ZMYND8: variants seen among roughly 807,000 people sequenced by gnomAD.
ZMYND8 encodes the protein MYND-type zinc finger-containing chromatin reader ZMYND8.
In ZMYND8, 37 loss-of-function variants were observed where a neutral mutation model predicts 140.8. The observed-to-expected ratio is 0.26, with a 90% CI of 0.20 to 0.35. The LOEUF (loss-of-function observed/expected upper bound fraction) is 0.35. Among genes scored for constraint, ZMYND8 ranks in the 10% least tolerant of loss-of-function variants. ZMYND8 has a pLI of 1.00. For synonymous variants in ZMYND8, 592 were observed against 597.1 expected, an observed-to-expected ratio of 0.99 and a Z score of 0.12; for missense variants, 1,068 against 1,570.0, an observed-to-expected ratio of 0.68 and a Z score of 5.40.
At position 47,276,769 on chromosome 20, in the gene ZMYND8, T is replaced by A; in HGVS notation, c.1025A>T (p.Tyr342Phe). The change falls in exon 11 of 23, where the codon TAC becomes TTC. Residue 342 changes from tyrosine (Y) to phenylalanine (F), a missense_variant. By Grantham distance (22) the Tyr-to-Phe change is conservative (BLOSUM62 3). Transcript: ENST00000471951. The stretch of plus-strand genomic sequence containing the variant: ...AAAAGGAATTTCTTTAGACATGAGG[T>A]AGCAATTATTTATTGGAACCCAGGC... ...DRAWVPINNC[Y>F]LMSKEIPFSV... 6.2e-7 allele frequency: 1 copy of A among 1,611,816 alleles called. No homozygotes were observed. Among genetic ancestry groups the A allele is most frequent in the Non-Finnish European group, 8.5e-7 (1 of 1,178,814 alleles).
intron 14 of ZMYND8, among the ~76,000 whole-genome samples, chr20:47,244,053 A>G (rs1601192725): frequency 6.6e-6 from 1 of 152,136 alleles, no homozygotes; most frequent in East Asian, 1.9e-4. Flanking sequence ...CTTTAGCTGA[A>G]CTGCAGGAAT....
intron 18 of ZMYND8, among the ~76,000 whole-genome samples, chr20:47,226,473 T>A (rs995909281): frequency 3.0e-4 from 46 of 152,126 alleles, no homozygotes; most frequent in African/African-American, 1.1e-3. Flanking sequence ...CAATAAAGTA[T>A]CTTTCTCCGC....
chr20:47,210,977 T>G lies in ZMYND8; in HGVS notation c.3569-80A>C, dbSNP rs1325612417. 7 of 1,552,380 alleles carry G rather than the reference T, an allele frequency of 4.5e-6. No individual in the cohort carries two copies. The South Asian group carries it at 7.3e-5, about 16-fold the overall frequency. ...ACTATCCTGCAATCTGACCTGCCCC[T>G]CCTGCACAGGAAACCACCTTCCCCT... On this transcript the variant is annotated intron_variant, in intron 22 of 22. Coordinates refer to ENST00000471951, the MANE Select transcript of ZMYND8 (RefSeq NM_001281775.3).
intron 21 of ZMYND8, among the ~76,000 whole-genome samples, chr20:47,216,523 C>CAAAAAA (rs2036147089): frequency 9.9e-6 from 1 of 100,632 alleles, no homozygotes. Context: ...AAAAAAGGGC[C>CAAAAAA]GGGCTGGGCG....
rs116239085 is a variant in ZMYND8, at chr20:47,338,078, G to A, written c.85+9778C>T. ...TCTAAGTGCAAGTAGAGAAAAACAC[G>A]TTGCCAGGTTCATAAGATGGTAGAG... On this transcript the variant is annotated intron_variant, in intron 2 of 22. Transcript: ENST00000471951. 3.4e-3 allele frequency among the ~76,000 whole-genome samples: 520 copies of A among 152,192 alleles called. 3 individuals carry two copies. The highest frequency in any genetic ancestry group is 0.012 in the African/African-American group (504 of 41,540).
chr20:47,346,589 C>G (rs1461486775), intron 2 of ZMYND8, among the ~76,000 whole-genome samples: 2 of 152,088 alleles, frequency 1.3e-5, no homozygotes, highest in Non-Finnish European at 2.9e-5. Context: ...GGACCCTCAA[C>G]TTTGCCCCAA....
intron 2 of ZMYND8, among the ~76,000 whole-genome samples, chr20:47,334,163 T>C (rs1383139596): frequency 1.3e-5 from 2 of 152,046 alleles, no homozygotes; most frequent in African/African-American, 4.8e-5. Context: ...GTCGTATAGA[T>C]TGTTTGTTTA....
At chr20:47,305,403 G>C (rs1181344121) in intron 3 of ZMYND8, among the ~76,000 whole-genome samples, 1 of 151,940 alleles carries the variant, frequency 6.6e-6, no homozygotes, top group Non-Finnish European at 1.5e-5. Context: ...ACCATGCCTG[G>C]CTAATTTTTC....
chr20:47,220,099 ACCCCCTCACC>A (rs886714671), intron 21 of ZMYND8, among the ~76,000 whole-genome samples, 149 bp downstream of exon 21: 12 of 151,312 alleles, frequency 7.9e-5, no homozygotes, highest in African/African-American at 2.9e-4. Context: ...ATGCTCAGCT[ACCCCCTCACC>A]CCCACTGACC....
intron 11 of ZMYND8, among the ~76,000 whole-genome samples, chr20:47,274,105 T>C (rs775643511): frequency 6.6e-6 from 1 of 152,250 alleles, no homozygotes; most frequent in Non-Finnish European, 1.5e-5. Context: ...ATGTCATTTA[T>C]CTTTCTCCTT....
At chr20:47,299,614 G>A (rs1043433998) in intron 3 of ZMYND8, among the ~76,000 whole-genome samples, 5 of 150,912 alleles carry the variant, frequency 3.3e-5, no homozygotes, top group African/African-American at 9.8e-5. Context: ...ACGGAGTCTC[G>A]CTCTGTTGCC....
At chr20:47,356,621 G>A (rs764472538) in intron 1 of ZMYND8, 36 bp downstream of exon 1, 9 of 1,614,044 alleles carry the variant, frequency 5.6e-6, no homozygotes, top group East Asian at 2.2e-5. Flanking sequence ...GTCTCAGAGG[G>A]AGGGGGAAAA....
intron 18 of ZMYND8, among the ~76,000 whole-genome samples, chr20:47,225,569 G>GAGGGGAAGGA (rs1419988502): frequency 1.2e-4 from 10 of 82,114 alleles, no homozygotes; most frequent in Non-Finnish European, 2.1e-4. Context: ...GAGGGGAAGG[G>GAGGGGAAGGA]AGGGGAAGGG....
At chr20:47,283,174 G>A (rs898436599) in intron 9 of ZMYND8, among the ~76,000 whole-genome samples, 5 of 152,142 alleles carry the variant, frequency 3.3e-5, no homozygotes, top group African/African-American at 1.2e-4. Context: ...ATGTTTTGGA[G>A]GGACTATGGA....
intron 6 of ZMYND8, 104 bp downstream of exon 6, chr20:47,291,692 A>G: frequency 1.3e-6 from 1 of 753,812 alleles, no homozygotes; most frequent in South Asian, 3.9e-5. Context: ...GAAACAATTT[A>G]AGATTGTTAT....
At chr20:47,289,509 A>T (rs2077124394) in intron 7 of ZMYND8, among the ~76,000 whole-genome samples, 2 of 152,228 alleles carry the variant, frequency 1.3e-5, no homozygotes, top group Admixed American at 1.3e-4. Context: ...TTGCACAAGC[A>T]GGTTCACAGC....
In ZMYND8 at chr20:47,239,100, G is replaced by A; in HGVS notation, c.2323C>T (p.His775Tyr). ...AGCACCGGTGTTTCCGGGGGAGAAT[G>A]GCTGCCCACCGTCGTGGATGGTGGA... ...KTPPSTTVGS[H>Y]SPPETPVLTR... Residue 775 changes from histidine (H) to tyrosine (Y), a missense_variant, in exon 15 of 23, where the codon CAT (histidine) becomes TAT (tyrosine). Around this residue, in one of 10 missense-constraint regions of ZMYND8, gnomAD observed 383 missense variants for 431.2 expected, o/e 0.89. Coordinates refer to ENST00000471951, the MANE Select transcript of ZMYND8 (RefSeq NM_001281775.3). 1.3e-6 allele frequency: 2 copies of A among 1,518,702 alleles called. No individual in the cohort carries two copies. The highest frequency in any genetic ancestry group is 1.4e-5 in the African/African-American group (1 of 72,228). The allele number at this position is 1,518,702 out of a possible 1,614,324, so 94.1% of individuals were successfully genotyped here. A position where few individuals can be genotyped will look rare whatever the true frequency, so the allele number is the denominator to read the frequency against.
rs569370037 is a variant in ZMYND8, at chr20:47,238,822, T to TTGCTGC, written c.2595_2600dup (p.Gln866_Gln867dup). On this transcript the variant is annotated inframe_insertion, in exon 15 of 23. Transcript: ENST00000471951. Reference sequence around the variant, plus strand: ...AAGACTGAGGCTGCTGCTGCTGGTTTTGCTGCTGCTGCTGCTGCTGCTGAC... The same window carrying TTGCTGC: ...AAGACTGAGGCTGCTGCTGCTGGTTTTGCTGCTGCTGCTGCTGCTGCTGCTGCTGAC... 58 of 1,611,724 alleles carry TTGCTGC rather than the reference T, an allele frequency of 3.6e-5. No individual in the cohort carries two copies. Among genetic ancestry groups the TTGCTGC allele is most frequent in the South Asian group, 2.9e-4 (26 of 90,926 alleles).
intron 2 of ZMYND8, chr20:47,318,562 G>A (rs1010255236): frequency 2.2e-5 from 8 of 366,360 alleles, no homozygotes; most frequent in South Asian, 1.0e-4. Flanking sequence ...AATTGTCCTC[G>A]CAGCAGAGAA....
Sources: gnomAD v4.1 joint callset for allele counts (sites outside exome capture counted in the v4.1 genomes callset) on GRCh38, gnomAD v4.1.1 for gene constraint, gnomAD v4.1.1 regional missense constraint, MANE v1.5 for transcripts, NCBI Gene and HGNC (gene_info 2026-07-23, HGNC 2026-07-21) for gene names.